Variants in KSR2 observed in about 807,000 individuals in gnomAD.
KSR2 encodes the protein kinase suppressor of ras 2.
Under a neutral mutation model 107.8 loss-of-function variants are expected in KSR2, and 25 were observed. That is an observed-to-expected ratio of 0.23 (90% confidence interval 0.17 to 0.32). The LOEUF is 0.32. Among genes scored for constraint, KSR2 ranks in the 10% least tolerant of loss-of-function variants. KSR2 has a pLI of 1.00. For missense variants in KSR2, 887 were observed against 1,268.9 expected (o/e 0.70, Z 4.57); for synonymous variants, 480 against 507.0 (o/e 0.95, Z 0.71).
At chr12:117,728,988 G>C (rs1298392653) in intron 4 of KSR2, among the ~76,000 whole-genome samples, 1 of 152,206 alleles carries the variant, frequency 6.6e-6, no homozygotes, top group Non-Finnish European at 1.5e-5. Context: ...ACGCATGTAA[G>C]GAACTGGTAC....
chr12:117,483,085 C>G (rs1006438988), intron 16 of KSR2, among the ~76,000 whole-genome samples: 1 of 152,166 alleles, frequency 6.6e-6, no homozygotes, highest in African/African-American at 2.4e-5. Flanking sequence ...TTCTTGGGTT[C>G]CAACTGGAGG....
At chr12:117,715,080 C>T (rs1327040423) in intron 4 of KSR2, among the ~76,000 whole-genome samples, 1 of 152,012 alleles carries the variant, frequency 6.6e-6, no homozygotes, top group Non-Finnish European at 1.5e-5. Context: ...CTGTGTTGCC[C>T]CTGGATACAT....
intron 14 of KSR2, among the ~76,000 whole-genome samples, chr12:117,513,558 CT>C (rs1874168317): frequency 6.6e-6 from 1 of 152,210 alleles, no homozygotes; most frequent in African/African-American, 2.4e-5. Flanking sequence ...TTTGTGCCTG[CT>C]GCCAACTCAA....
chr12:117,456,472 G>A lies in KSR2; in HGVS notation c.*10727C>T, dbSNP rs1280063030. On this transcript the variant is annotated 3_prime_UTR_variant, in exon 20 of 20. Transcript: ENST00000339824. ...GTAGAAAAATAAGCAGAGGAAAATG[G>A]CTAGAATCTTACAGGACCAATACAT... 4 of 152,148 alleles carry A rather than the reference G, an allele frequency of 2.6e-5. No individual in the cohort carries two copies. The highest frequency in any genetic ancestry group is 4.4e-5 in the Non-Finnish European group (3 of 68,038). 9.4% of individuals were successfully genotyped at this position (152,148 alleles called of 1,614,324 possible).
chr12:117,958,060 T>A (rs1896566072), intron 1 of KSR2, among the ~76,000 whole-genome samples: 1 of 152,190 alleles, frequency 6.6e-6, no homozygotes, highest in Non-Finnish European at 1.5e-5. Context: ...CTTGAACTCC[T>A]GGCCTCAAGT....
At position 117,462,366 on chromosome 12, in the gene KSR2, G is replaced by A. The variant is rs1490448874; in HGVS notation, c.*4833C>T. The A allele has an allele frequency of 6.6e-6, 1 of 151,482 alleles. No homozygotes were observed. Among genetic ancestry groups the A allele is most frequent in the Non-Finnish European group, 1.5e-5 (1 of 67,918 alleles). 9.4% of individuals were successfully genotyped at this position (151,482 alleles called of 1,614,324 possible). A position where few individuals can be genotyped will look rare whatever the true frequency, so the allele number is the denominator to read the frequency against. On this transcript the variant is annotated 3_prime_UTR_variant, in exon 20 of 20. Coordinates refer to ENST00000339824, the MANE Select transcript of KSR2 (RefSeq NM_173598.6). ...GATGAGGTCATACTGAAATAGGGTG[G>A]GCCCTTAATCCAATGTGACTCGTGT...
chr12:117,488,331 A>G (rs1333571380), intron 14 of KSR2, among the ~76,000 whole-genome samples: 1 of 152,200 alleles, frequency 6.6e-6, no homozygotes, highest in African/African-American at 2.4e-5. Flanking sequence ...ATGAATTCTC[A>G]TATTCACCCC....
At chr12:117,909,765 G>T (rs1894960147) in intron 1 of KSR2, among the ~76,000 whole-genome samples, 1 of 151,834 alleles carries the variant, frequency 6.6e-6, no homozygotes, top group Non-Finnish European at 1.5e-5. Context: ...AAAAAAAGCT[G>T]GGCATGGTGG....
chr12:117,482,599 T>G (rs1396115238), intron 16 of KSR2, among the ~76,000 whole-genome samples: 1 of 152,172 alleles, frequency 6.6e-6, no homozygotes, highest in Non-Finnish European at 1.5e-5. Flanking sequence ...GAAGCCACCT[T>G]GCCCTTGACT....
intron 4 of KSR2, among the ~76,000 whole-genome samples, chr12:117,755,955 A>T (rs1273212066): frequency 1.3e-5 from 2 of 152,226 alleles, no homozygotes; most frequent in Non-Finnish European, 1.5e-5. Flanking sequence ...ACATTCCCTT[A>T]AGTCAAAGCC....
At chr12:117,537,934 A>C (rs1028971723) in intron 10 of KSR2, among the ~76,000 whole-genome samples, 1 of 152,162 alleles carries the variant, frequency 6.6e-6, no homozygotes, top group East Asian at 1.9e-4. Context: ...CCTTTTGTGC[A>C]CAGTTCTCCC....
chr12:117,869,723 G>C (rs1167475034), intron 1 of KSR2, among the ~76,000 whole-genome samples: 1 of 152,198 alleles, frequency 6.6e-6, no homozygotes, highest in Non-Finnish European at 1.5e-5. Flanking sequence ...TCTGCATGAA[G>C]GATTCCTTTG....
At chr12:117,643,929 A>G (rs1246853349) in intron 5 of KSR2, among the ~76,000 whole-genome samples, 2 of 152,202 alleles carry the variant, frequency 1.3e-5, no homozygotes, top group African/African-American at 4.8e-5. Flanking sequence ...CATCTGTTGA[A>G]TGAATGAATG....
intron 5 of KSR2, among the ~76,000 whole-genome samples, chr12:117,620,859 C>G (rs111927660): frequency 6.5e-4 from 99 of 152,264 alleles, no homozygotes; most frequent in African/African-American, 2.1e-3. Context: ...CCATTCTAGT[C>G]ATATTTCATT....
Position 117,456,378 on chromosome 12 carries a change from T to A in KSR2, c.*10821A>T, listed in dbSNP as rs890166695. 4.6e-5 allele frequency: 7 copies of A among 152,190 alleles called. No homozygotes were observed. Among genetic ancestry groups the A allele is most frequent in the African/African-American group, 7.2e-5 (3 of 41,444 alleles). 9.4% of individuals were successfully genotyped at this position (152,190 alleles called of 1,614,324 possible). On this transcript the variant is annotated 3_prime_UTR_variant, in exon 20 of 20. Transcript: ENST00000339824. The stretch of plus-strand genomic sequence containing the variant: ...AGTACCTTGATGCCCATGCTGTAGC[T>A]ACATAGCAGTTACTTGAACTTACAC...
intron 12 of KSR2, among the ~76,000 whole-genome samples, chr12:117,529,079 C>A (rs1875428680): frequency 6.6e-6 from 1 of 152,112 alleles, no homozygotes; most frequent in Non-Finnish European, 1.5e-5. Flanking sequence ...TCCATAAGAC[C>A]AGTCAGAAAA....
intron 3 of KSR2, among the ~76,000 whole-genome samples, chr12:117,789,157 T>A (rs982097419): frequency 1.3e-5 from 2 of 152,214 alleles, no homozygotes; most frequent in Non-Finnish European, 2.9e-5. Context: ...ACTTCGTACA[T>A]CTCACTGCAA....
intron 1 of KSR2, among the ~76,000 whole-genome samples, chr12:117,949,129 A>T (rs1197127359): frequency 1.3e-5 from 2 of 151,998 alleles, no homozygotes; most frequent in East Asian, 3.9e-4. Context: ...AACATATATA[A>T]ATAAAAGTAA....
intron 4 of KSR2, chr12:117,674,533 A>AC: frequency 3.0e-6 from 1 of 328,122 alleles, no homozygotes; most frequent in Non-Finnish European, 6.4e-6. Context: ...CAGCCCCTGC[A>AC]CCACCAATCA....
Sources: allele counts gnomAD v4.1 joint callset (sites outside exome capture counted in the v4.1 genomes callset), GRCh38; gene constraint gnomAD v4.1.1; transcripts MANE v1.5; gene names NCBI Gene and HGNC (gene_info 2026-07-23, HGNC 2026-07-21).